GTF2A2: variants seen among roughly 807,000 people sequenced by gnomAD.
The protein encoded by GTF2A2 is general transcription factor IIA subunit 2, also known as transcription initiation factor IIA subunit 2.
GTF2A2 carries 9 observed loss-of-function variants against 14.3 expected under a neutral mutation model. The ratio of observed to expected loss-of-function variants is 0.63; its 90% CI spans 0.38 to 1.10. The LOEUF (loss-of-function observed/expected upper bound fraction) is 1.10, where lower values mean the gene tolerates loss of function less well. GTF2A2 is among the 50% of genes least tolerant of loss of function. The pLI is 0.01. For missense variants in GTF2A2, 90 were observed against 124.6 expected (o/e 0.72, Z 1.32); for synonymous variants, 56 against 46.0 (o/e 1.22, Z -0.88).
At chr15:59,641,365 C>CTATT (rs1366314342) in intron 4 of GTF2A2, among the ~76,000 whole-genome samples, 1 of 152,032 alleles carries the variant, frequency 6.6e-6, no homozygotes, top group Non-Finnish European at 1.5e-5. Context: ...GATTGATTAG[C>CTATT]TATTTCTTTG....
chr15:59,653,688 C>G (rs1891861147), intron 1 of GTF2A2, among the ~76,000 whole-genome samples: 1 of 152,094 alleles, frequency 6.6e-6, no homozygotes. Context: ...AAATTTGTAT[C>G]TCCAGCCCTC....
intron 4 of GTF2A2, 79 bp from the exon 5 acceptor site, chr15:59,639,236 C>T: frequency 2.4e-6 from 2 of 845,500 alleles, no homozygotes; most frequent in Non-Finnish European, 4.1e-6. Context: ...TTAAGACTAT[C>T]AAAAATGAGA....
chr15:59,644,570 A>T (rs996334541), intron 3 of GTF2A2, among the ~76,000 whole-genome samples: 1 of 152,236 alleles, frequency 6.6e-6, no homozygotes. Flanking sequence ...TCATTAAAAC[A>T]GGTAAATACG....
chr15:59,657,046 G>T (rs1161758171), intron 1 of GTF2A2: 2 of 152,250 alleles, frequency 1.3e-5, no homozygotes, highest in African/African-American at 4.8e-5. Context: ...ACAAAGCACA[G>T]GAATGAGACA....
At chr15:59,650,574 C>G (rs1410582449) in intron 3 of GTF2A2, 95 bp downstream of exon 3, 1 of 655,216 alleles carries the variant, frequency 1.5e-6, no homozygotes, top group East Asian at 2.6e-5. Context: ...CCACCTCTTC[C>G]TCTTATGATT....
chr15:59,643,996 G>A (rs1350826699), intron 3 of GTF2A2, among the ~76,000 whole-genome samples: 1 of 152,198 alleles, frequency 6.6e-6, no homozygotes, highest in Non-Finnish European at 1.5e-5. Context: ...CCAGGTTCAA[G>A]TGATTCTCCT....
At position 59,639,109 on chromosome 15, in the gene GTF2A2, T is replaced by TA. The variant is rs762668174; in HGVS notation, c.*22dup. 2.2e-6 allele frequency: 3 copies of TA among 1,342,368 alleles called. No individual in the cohort carries two copies. The highest frequency in any genetic ancestry group is 3.2e-6 in the Non-Finnish European group (3 of 934,918). The allele number at this position is 1,342,368 out of a possible 1,614,324, so 83.2% of individuals were successfully genotyped here. ...AAGCAATGAATAACAGAAGATGGTG[T>TA]AAAAAAGTCATATTTTTTCTATTCA... On this transcript the variant is annotated 3_prime_UTR_variant, in exon 5 of 5. Transcript: ENST00000396060.
intron 3 of GTF2A2, 50 bp downstream of exon 3, chr15:59,650,619 G>T: frequency 1.9e-6 from 2 of 1,044,796 alleles, no homozygotes; most frequent in Non-Finnish European, 1.5e-6. Flanking sequence ...AAAAATCAGT[G>T]TTTTAACAAC....
chr15:59,639,218 TAACTATTTTAAGACTA>T (rs1486532035), intron 4 of GTF2A2, 61 bp from the exon 5 acceptor site: 1 of 995,370 alleles, frequency 1.0e-6, no homozygotes, highest in East Asian at 2.4e-5. Flanking sequence ...ATTTTACAAT[TAACTATTTTAAGACTA>T]TCAAAAATGA....
At position 59,638,560 on chromosome 15, in the gene GTF2A2, GTTTT is replaced by G. The variant is rs1891262244; in HGVS notation, c.*568_*571del. The G allele has an allele frequency of 6.6e-6, 1 of 152,106 alleles. No individual in the cohort carries two copies. The highest frequency in any genetic ancestry group is 1.5e-5 in the Non-Finnish European group (1 of 68,146). The allele number at this position is 152,106 out of a possible 1,614,324, so 9.4% of individuals were successfully genotyped here. On this transcript the variant is annotated 3_prime_UTR_variant, in exon 5 of 5. Transcript: ENST00000396060. ...CATGTTACCTGGTCTAAGAAGGAAA[GTTTT>G]TTGGTTTTGTTTTTGCTATGATTGT...
intron 3 of GTF2A2, among the ~76,000 whole-genome samples, chr15:59,644,067 G>C (rs1256597215): frequency 5.3e-5 from 8 of 150,514 alleles, no homozygotes; most frequent in Admixed American, 5.3e-4. Context: ...ACTTATTTTT[G>C]TATTTTTAGT....
In GTF2A2 at chr15:59,653,763, T is replaced by C. The variant is rs530930950; in HGVS notation, c.-49-1437A>G. 4.3e-4 allele frequency among the ~76,000 whole-genome samples: 65 copies of C among 152,326 alleles called. 2 individuals carry two copies. In the Middle Eastern group the frequency reaches 0.01, roughly 24 times the overall value. On this transcript the variant is annotated intron_variant, in intron 1 of 4. Transcript: ENST00000396060. ...ACACTGGATAAAAATATCAAGTAGG[T>C]AGCTCAAATTCAATTTGTCAAAAAC...
At chr15:59,639,207 A>AATTT (rs1300053663) in intron 4 of GTF2A2, 50 bp from the exon 5 acceptor site, 1 of 1,099,890 alleles carries the variant, frequency 9.1e-7, no homozygotes, top group Non-Finnish European at 1.4e-6. Flanking sequence ...GGAGCAATTT[A>AATTT]ATTTTACAAT....
intron 1 of GTF2A2, among the ~76,000 whole-genome samples, chr15:59,655,672 G>C (rs1162703337): frequency 2.0e-5 from 3 of 152,266 alleles, no homozygotes; most frequent in Admixed American, 6.5e-5. Context: ...CATGGTTTAA[G>C]TACCACTGCT....
intron 1 of GTF2A2, among the ~76,000 whole-genome samples, chr15:59,655,894 C>T (rs1290032803): frequency 2.0e-5 from 3 of 152,180 alleles, no homozygotes; most frequent in Non-Finnish European, 2.9e-5. Context: ...CTTCAAAATG[C>T]ATTCAGAATC....
At chr15:59,656,301 T>C (rs535227802) in intron 1 of GTF2A2, among the ~76,000 whole-genome samples, 1 of 152,346 alleles carries the variant, frequency 6.6e-6, no homozygotes, top group Admixed American at 6.5e-5. Flanking sequence ...TTAGCAAATT[T>C]TCTTAATTCC....
Position 59,638,819 on chromosome 15 carries a change from A to ATCTAATATCTTCAT in GTF2A2, c.*299_*312dup, listed in dbSNP as rs1891274281. On this transcript the variant is annotated 3_prime_UTR_variant, in exon 5 of 5. Transcript: ENST00000396060. The stretch of plus-strand genomic sequence containing the variant: ...TGCAAAGGAAATGGGAAAATGCATT[A>ATCTAATATCTTCAT]TCTAATATCTTCATATTGCTACCTT... 4.0e-6 allele frequency: 1 copy of ATCTAATATCTTCAT among 249,234 alleles called. No homozygotes were observed. Among genetic ancestry groups the ATCTAATATCTTCAT allele is most frequent in the Admixed American group, 5.4e-5 (1 of 18,676 alleles). The allele number at this position is 249,234 out of a possible 1,614,324, so 15.4% of individuals were successfully genotyped here.
rs539039828 is a variant in GTF2A2, at chr15:59,641,426, G to A, written c.304+710C>T. Among the ~76,000 whole-genome samples the A allele has an allele frequency of 6.6e-5, 10 of 152,132 alleles. No individual in the cohort carries two copies. In the South Asian group the frequency reaches 2.1e-3, roughly 32 times the overall value. Reference sequence around the variant, plus strand: ...CCGACTCAAACAGGGAAATGGAGGGGGTTACTTTCTACATATCTTTCTCTT... The same window carrying A: ...CCGACTCAAACAGGGAAATGGAGGGAGTTACTTTCTACATATCTTTCTCTT... On this transcript the variant is annotated intron_variant, in intron 4 of 4. Coordinates refer to ENST00000396060, the MANE Select transcript of GTF2A2 (RefSeq NM_004492.3).
At chr15:59,655,217 A>T (rs1295487109) in intron 1 of GTF2A2, among the ~76,000 whole-genome samples, 1 of 152,204 alleles carries the variant, frequency 6.6e-6, no homozygotes, top group Non-Finnish European at 1.5e-5. Context: ...TTAAAAAGTA[A>T]AACAAAACAA....
Sources: allele counts gnomAD v4.1 joint callset (sites outside exome capture counted in the v4.1 genomes callset), GRCh38; gene constraint gnomAD v4.1.1; transcripts MANE v1.5; gene names NCBI Gene and HGNC (gene_info 2026-07-23, HGNC 2026-07-21).